SYNE2: variants seen among roughly 807,000 people sequenced by gnomAD.
SYNE2 encodes nesprin-2.
SYNE2 carries 431 observed loss-of-function variants against 856.3 expected under a neutral mutation model. The ratio of observed to expected loss-of-function variants is 0.50; its 90% CI spans 0.47 to 0.55. The LOEUF (loss-of-function observed/expected upper bound fraction) is 0.55. Ranked by LOEUF, SYNE2 falls within the 20% of genes least tolerant of loss-of-function variation. SYNE2 has a pLI of 0.00. For synonymous variants in SYNE2, 2,923 were observed against 2,872.3 expected (o/e 1.02, Z -0.56); for missense variants, 8,129 against 8,023.2 (o/e 1.01, Z -0.50).
chr14:64,062,823 A>G lies in SYNE2; in HGVS notation c.10140A>G (p.Thr3380=), dbSNP rs558932358. Residue 3380 remains threonine, a synonymous_variant, in exon 50 of 116, where the codon ACA becomes ACG. Transcript: ENST00000555002. ...DIYTNLSKME[T]VLGQSMSSLP... ...ACACTAACCTCAGCAAAATGGAGACAGTTCTTGGACAGTCCATGTCCTCGT... is the reference window on the plus strand; with the variant it reads ...ACACTAACCTCAGCAAAATGGAGACGGTTCTTGGACAGTCCATGTCCTCGT... 7.4e-6 allele frequency: 12 copies of G among 1,614,172 alleles called. No individual in the cohort carries two copies. The East Asian group carries it at 2.5e-4, about 33-fold the overall frequency.
chr14:64,161,063 G>T (rs2098325566), intron 87 of SYNE2, among the ~76,000 whole-genome samples: 1 of 152,094 alleles, frequency 6.6e-6, no homozygotes, highest in African/African-American at 2.4e-5. Context: ...AGTTAAATGG[G>T]CCAGGCATAG....
chr14:64,107,646 C>A, intron 65 of SYNE2, 39 bp downstream of exon 65: 1 of 1,486,574 alleles, frequency 6.7e-7, no homozygotes, highest in Non-Finnish European at 9.4e-7. Flanking sequence ...GCTCAGATAG[C>A]TGGACTAGCA....
At chr14:64,045,127 T>A (rs2097176627) in intron 45 of SYNE2, among the ~76,000 whole-genome samples, 1 of 152,186 alleles carries the variant, frequency 6.6e-6, no homozygotes, top group African/African-American at 2.4e-5. Flanking sequence ...GCAAAGGACC[T>A]TTTACATTTG....
At chr14:63,940,293 C>T (rs1391914203) in intron 2 of SYNE2, among the ~76,000 whole-genome samples, 8 of 152,034 alleles carry the variant, frequency 5.3e-5, no homozygotes, top group African/African-American at 9.7e-5. Context: ...TGAGCTCACA[C>T]GATCTGCTTA....
chr14:64,205,396 A>G (rs535655233), intron 100 of SYNE2, among the ~76,000 whole-genome samples: 4 of 152,338 alleles, frequency 2.6e-5, no homozygotes, highest in Admixed American at 2.6e-4. Flanking sequence ...TGTATGGGCC[A>G]CTTTTTAAAA....
At chr14:64,152,535 T>C in intron 84 of SYNE2, 29 bp from the exon 85 acceptor site, 1 of 1,613,110 alleles carries the variant, frequency 6.2e-7, no homozygotes, top group South Asian at 1.1e-5. Context: ...ATATTGTGCA[T>C]TGAAAACCTT....
At chr14:64,026,354 AAGAGCAGG>A (rs2096978468) in intron 41 of SYNE2, among the ~76,000 whole-genome samples, 1 of 152,190 alleles carries the variant, frequency 6.6e-6, no homozygotes, top group South Asian at 2.1e-4. Flanking sequence ...AAATCTAGAG[AAGAGCAGG>A]AATGCAGTCA....
intron 1 of SYNE2, among the ~76,000 whole-genome samples, chr14:63,905,467 A>G (rs2095396476): frequency 6.6e-6 from 1 of 152,012 alleles, no homozygotes; most frequent in South Asian, 2.1e-4. Context: ...TATTTGTCTC[A>G]TCTCTGATTT....
intron 45 of SYNE2, among the ~76,000 whole-genome samples, chr14:64,038,665 AC>A (rs575775323): frequency 2.8e-4 from 43 of 152,192 alleles, no homozygotes; most frequent in African/African-American, 9.6e-4. Flanking sequence ...ACACAGCGAA[AC>A]CCGGTCTCCA....
At chr14:63,950,060 C>T (rs1336509475) in intron 7 of SYNE2, 54 bp downstream of exon 7, 1 of 1,547,008 alleles carries the variant, frequency 6.5e-7, no homozygotes, top group African/African-American at 1.4e-5. Flanking sequence ...TATCAACCAA[C>T]ACCACCTCAC....
intron 82 of SYNE2, among the ~76,000 whole-genome samples, 174 bp downstream of exon 82, chr14:64,142,262 C>G (rs192318596): frequency 6.6e-6 from 1 of 152,088 alleles, no homozygotes; most frequent in East Asian, 1.9e-4. Flanking sequence ...TTTTGTTCCA[C>G]TTAAATTCCT....
chr14:64,155,136 T>A (rs889760387), intron 85 of SYNE2, among the ~76,000 whole-genome samples: 34 of 152,120 alleles, frequency 2.2e-4, no homozygotes, highest in African/African-American at 8.0e-4. Context: ...CCAAGAGAAA[T>A]GAAAACGTGT....
chr14:63,997,591 ATCT>A (rs538692042), intron 25 of SYNE2, among the ~76,000 whole-genome samples, 200 bp downstream of exon 25: 267 of 152,240 alleles, frequency 1.8e-3, no homozygotes, highest in African/African-American at 6.1e-3. Flanking sequence ...GCATAACCTA[ATCT>A]TCTTCTGAGT....
chr14:64,134,222 T>G, intron 78 of SYNE2, 22 bp downstream of exon 78: 7 of 1,613,338 alleles, frequency 4.3e-6, no homozygotes, highest in Non-Finnish European at 5.9e-6. Context: ...CCATTTAAGT[T>G]ATCAAAGGCG....
chr14:63,771,175 T>G (rs1017771077), intron 1 of SYNE2, among the ~76,000 whole-genome samples: 7 of 149,066 alleles, frequency 4.7e-5, no homozygotes, highest in African/African-American at 1.7e-4. Context: ...GTTCACGCCA[T>G]TCTCCTGCCT....
In SYNE2 at chr14:64,081,467, A is replaced by G. The variant is rs2097523472; in HGVS notation, c.11371A>G (p.Ser3791Gly). The change falls in exon 57 of 116, where the codon AGT becomes GGT. Residue 3791 changes from serine (S) to glycine (G), a missense_variant. Physicochemically the swap from Ser to Gly is moderately conservative, Grantham distance 56. This residue lies in a region of SYNE2 where 5,410 missense variants were observed against 5,284.8 expected (regional missense o/e 1.02). Coordinates refer to ENST00000555002, the MANE Select transcript of SYNE2 (RefSeq NM_182914.3). The part of the protein sequence containing the change: ...NKATVKMEEY[S>G]DLLKSTEAWI... ...GGCCACAGTTAAGATGGAGGAATAT[A>G]GTGACCTTCTGAAGAGCACTGAGGC... 1.9e-6 allele frequency: 3 copies of G among 1,614,202 alleles called. No individual in the cohort carries two copies. Among genetic ancestry groups the G allele is most frequent in the Admixed American group, 1.7e-5 (1 of 60,028 alleles).
intron 19 of SYNE2, among the ~76,000 whole-genome samples, chr14:63,987,148 G>A (rs889787155): frequency 3.3e-5 from 5 of 152,038 alleles, no homozygotes; most frequent in East Asian, 3.9e-4. Flanking sequence ...CCAGCTCCTC[G>A]GGAGGCTGAG....
chr14:64,096,786 C>A (rs1026670135), intron 61 of SYNE2, among the ~76,000 whole-genome samples: 2 of 152,154 alleles, frequency 1.3e-5, no homozygotes, highest in African/African-American at 4.8e-5. Context: ...CTCTCTCTTG[C>A]AGGTGGAGAC....
At chr14:63,808,986 G>A (rs1415854707) in intron 1 of SYNE2, among the ~76,000 whole-genome samples, 2 of 152,164 alleles carry the variant, frequency 1.3e-5, no homozygotes, top group South Asian at 4.1e-4. Context: ...TCGCACCACT[G>A]CACTCCAGCC....
Sources: gnomAD v4.1 joint callset for allele counts (sites outside exome capture counted in the v4.1 genomes callset) on GRCh38, gnomAD v4.1.1 for gene constraint, gnomAD v4.1.1 regional missense constraint, MANE v1.5 for transcripts, NCBI Gene and HGNC (gene_info 2026-07-23, HGNC 2026-07-21) for gene names.